IGF2BP2: variants seen among roughly 807,000 people sequenced by gnomAD.
IGF2BP2 encodes the protein insulin like growth factor 2 mRNA binding protein 2, also known as insulin-like growth factor 2 mRNA-binding protein 2.
In IGF2BP2, 17 loss-of-function variants were observed where a neutral mutation model predicts 75.8. The ratio of observed to expected loss-of-function variants is 0.22; its 90% CI spans 0.15 to 0.34. IGF2BP2 has a LOEUF of 0.34. Ranked by LOEUF, IGF2BP2 falls within the 10% of genes least tolerant of loss-of-function variation. IGF2BP2 has a pLI of 1.00. For missense variants in IGF2BP2, 516 were observed against 772.4 expected (o/e 0.67, Z 3.93); for synonymous variants, 288 against 295.6 (o/e 0.97, Z 0.26).
Position 185,647,205 on chromosome 3 carries a change from G to C in IGF2BP2, c.1594-67C>G. On this transcript the variant is annotated intron_variant, in intron 14 of 15. Coordinates refer to ENST00000382199, the MANE Select transcript of IGF2BP2 (RefSeq NM_006548.6). This position sits in a 1 kb window ranked among gnomAD's most constrained non-coding sequence, Gnocchi z 4.9. ...CCCGTCAACGTGGTGGGCTCAGGAC[G>C]GAGTGAGGGGCCAAGAGGTGGAGCA... 8.9e-7 allele frequency: 1 copy of C among 1,120,648 alleles called. No individual in the cohort carries two copies. Among genetic ancestry groups the C allele is most frequent in the Non-Finnish European group, 1.4e-6 (1 of 731,060 alleles). 69.4% of individuals were successfully genotyped at this position (1,120,648 alleles called of 1,614,324 possible).
chr3:185,792,610 C>A (rs1397257058), intron 2 of IGF2BP2, among the ~76,000 whole-genome samples: 1 of 151,660 alleles, frequency 6.6e-6, no homozygotes, highest in Non-Finnish European at 1.5e-5. Flanking sequence ...CTAAAAAATA[C>A]AAAAAAGTTA....
In IGF2BP2 at chr3:185,698,308, C is replaced by A; in HGVS notation, c.279G>T (p.Leu93=). The change falls in exon 3 of 16, where the codon CTG becomes CTT. Residue 93 remains leucine (L), a synonymous_variant. Transcript: ENST00000382199. ...KIQIRNIPPH[L]QWEVLDGLLA... ...ATTGACACTGGCTTACCTCCCACTG[C>A]AGGTGAGGAGGGATGTTTCGAATCT... 3 of 1,613,476 alleles carry A rather than the reference C, an allele frequency of 1.9e-6. No individual in the cohort carries two copies. Among genetic ancestry groups the A allele is most frequent in the Non-Finnish European group, 2.5e-6 (3 of 1,179,422 alleles).
intron 10 of IGF2BP2, among the ~76,000 whole-genome samples, chr3:185,668,192 A>G (rs1188014766): frequency 6.6e-6 from 1 of 152,194 alleles, no homozygotes; most frequent in Non-Finnish European, 1.5e-5. Flanking sequence ...TGCTGGTTAC[A>G]AAAATTATGA....
At chr3:185,769,115 G>A (rs1471013513) in intron 2 of IGF2BP2, among the ~76,000 whole-genome samples, 1 of 152,064 alleles carries the variant, frequency 6.6e-6, no homozygotes, top group African/African-American at 2.4e-5. Flanking sequence ...GACCAAGGTG[G>A]GAGAATCACT....
chr3:185,814,209 T>C (rs1024153475), intron 2 of IGF2BP2: 2 of 152,270 alleles, frequency 1.3e-5, no homozygotes, highest in African/African-American at 4.8e-5. Flanking sequence ...CCTCCCTTCC[T>C]TCTTTCTTAA....
chr3:185,665,233 G>GAGGAGA (rs1717145181), intron 10 of IGF2BP2, among the ~76,000 whole-genome samples: 3 of 145,158 alleles, frequency 2.1e-5, no homozygotes, highest in South Asian at 4.5e-4. Flanking sequence ...GGAGGAGGAG[G>GAGGAGA]AGGAGAAGGA....
rs145717922 is a variant in IGF2BP2, at chr3:185,663,142, C to T, written c.1201-4733G>A. ...AGTCATCTGACATCTGGTTCAAGTC[C>T]CTGAGGGATAGGGAGGTTGGTAGGG... On this transcript the variant is annotated intron_variant, in intron 10 of 15. Transcript: ENST00000382199. Among the ~76,000 whole-genome samples, 24 of 152,248 alleles carry T rather than the reference C, an allele frequency of 1.6e-4. No individual in the cohort carries two copies. In the East Asian group the frequency reaches 4.6e-3, roughly 29 times the overall value.
intron 2 of IGF2BP2, among the ~76,000 whole-genome samples, chr3:185,721,331 A>G (rs1187853098): frequency 2.6e-5 from 4 of 152,034 alleles, no homozygotes; most frequent in South Asian, 2.1e-4. Context: ...CCTCCCGAGT[A>G]GCTGAGATTA....
chr3:185,756,374 C>T (rs1229962681), intron 2 of IGF2BP2, among the ~76,000 whole-genome samples: 1 of 152,120 alleles, frequency 6.6e-6, no homozygotes, highest in African/African-American at 2.4e-5. Flanking sequence ...TACCCAGTCT[C>T]GGGTGTTCTT....
intron 2 of IGF2BP2, among the ~76,000 whole-genome samples, chr3:185,798,633 C>G (rs1395928819): frequency 1.3e-5 from 2 of 152,040 alleles, no homozygotes; most frequent in Non-Finnish European, 2.9e-5. Flanking sequence ...CGTTAACACC[C>G]AAATATAACA....
At chr3:185,823,410 G>A in intron 1 of IGF2BP2, 197 bp from the exon 2 acceptor site, 1 of 483,732 alleles carries the variant, frequency 2.1e-6, no homozygotes, top group South Asian at 4.0e-5. Flanking sequence ...GACAAGGCGA[G>A]GAGGGTGCGA....
At chr3:185,653,344 C>T (rs1336789171) in intron 12 of IGF2BP2, among the ~76,000 whole-genome samples, 1 of 151,994 alleles carries the variant, frequency 6.6e-6, no homozygotes, top group African/African-American at 2.4e-5. Flanking sequence ...TGAGGCCAGG[C>T]GTGCAGTGGC....
chr3:185,694,124 C>T (rs938347791), intron 4 of IGF2BP2, among the ~76,000 whole-genome samples: 1 of 152,206 alleles, frequency 6.6e-6, no homozygotes, highest in African/African-American at 2.4e-5. Flanking sequence ...ATGTAATAAA[C>T]CCGAGCCCAG....
chr3:185,809,121 CT>C (rs959332544), intron 2 of IGF2BP2, among the ~76,000 whole-genome samples: 21 of 146,204 alleles, frequency 1.4e-4, no homozygotes, highest in African/African-American at 3.0e-4. Context: ...TCTTTTCTTT[CT>C]TTTTTTTTTC....
intron 2 of IGF2BP2, among the ~76,000 whole-genome samples, chr3:185,772,209 C>T (rs999854576): frequency 2.6e-5 from 4 of 151,956 alleles, no homozygotes; most frequent in African/African-American, 9.7e-5. Flanking sequence ...AATGCCTGGC[C>T]GATACTACAA....
At chr3:185,755,150 A>C (rs751882904) in intron 2 of IGF2BP2, among the ~76,000 whole-genome samples, 3 of 152,196 alleles carry the variant, frequency 2.0e-5, no homozygotes, top group Non-Finnish European at 4.4e-5. Flanking sequence ...CAGAGGCCTA[A>C]GGAGGAAAGA....
chr3:185,719,139 G>A (rs1726117742), intron 2 of IGF2BP2, among the ~76,000 whole-genome samples: 2 of 152,192 alleles, frequency 1.3e-5, no homozygotes, highest in South Asian at 2.1e-4. Flanking sequence ...ACTAAGTGGG[G>A]ATAACTGCAG....
chr3:185,739,716 G>A (rs1472490355), intron 2 of IGF2BP2, among the ~76,000 whole-genome samples: 5 of 152,158 alleles, frequency 3.3e-5, no homozygotes, highest in South Asian at 2.1e-4. Context: ...AGATCTCGGC[G>A]GAGGTTCCAG....
At chr3:185,654,781 G>C (rs1715162243) in intron 12 of IGF2BP2, among the ~76,000 whole-genome samples, 1 of 152,204 alleles carries the variant, frequency 6.6e-6, no homozygotes, top group African/African-American at 2.4e-5. Context: ...GGAATTAGGT[G>C]TCACTGGCTG....
Sources: gnomAD v4.1 joint callset for allele counts (sites outside exome capture counted in the v4.1 genomes callset) on GRCh38, gnomAD v4.1.1 for gene constraint, Gnocchi (gnomAD v3.1) non-coding constraint, MANE v1.5 for transcripts, NCBI Gene and HGNC (gene_info 2026-07-23, HGNC 2026-07-21) for gene names.